CCL18: variants seen among roughly 807,000 people sequenced by gnomAD.
CCL18 encodes the protein C-C motif chemokine 18.
A neutral mutation model predicts 8.0 loss-of-function variants in CCL18; 7 were observed. The observed-to-expected ratio is 0.87, with a 90% CI of 0.50 to 1.64. The LOEUF is 1.64. Among genes scored for constraint, CCL18 ranks in the 40% most tolerant of loss-of-function variants. CCL18 has a pLI of 0.00. For synonymous variants in CCL18, 35 were observed against 41.3 expected, an observed-to-expected ratio of 0.85 and a Z score of 0.59; for missense variants, 95 against 107.8, an observed-to-expected ratio of 0.88 and a Z score of 0.52.
At chr17:36,070,849 C>T (rs1160573035) in intron 2 of CCL18, 102 bp from the exon 3 acceptor site, 13 of 905,006 alleles carry the variant, frequency 1.4e-5, no homozygotes, top group East Asian at 2.4e-5. Context: ...TTTACGGGCA[C>T]GAGGACAGGC....
chr17:36,066,590 G>A (rs1339658155), intron 1 of CCL18, among the ~76,000 whole-genome samples: 1 of 152,242 alleles, frequency 6.6e-6, no homozygotes, highest in African/African-American at 2.4e-5. Context: ...GGATGTACAA[G>A]AGCAACTCAA....
intron 1 of CCL18, among the ~76,000 whole-genome samples, chr17:36,068,043 A>G (rs1296062639): frequency 2.0e-5 from 3 of 152,224 alleles, no homozygotes; most frequent in Non-Finnish European, 4.4e-5. Flanking sequence ...GCTGTACCAT[A>G]CAGTGAAGGT....
chr17:36,070,295 T>C lies in CCL18; in HGVS notation c.68-152T>C, dbSNP rs571518340. 2.5e-5 allele frequency: 13 copies of C among 521,990 alleles called. No homozygotes were observed. In the Admixed American group the frequency reaches 4.5e-4, roughly 18 times the overall value. The allele number at this position is 521,990 out of a possible 1,614,324, so 32.3% of individuals were successfully genotyped here. On this transcript the variant is annotated intron_variant, in intron 1 of 2. Transcript: ENST00000616054. Reference sequence around the variant, plus strand: ...TTAAAATGTCAGGGAAAAGAAGAAATGCCAGCTTCCTTCTGGATCTCTTTG... The same window carrying C: ...TTAAAATGTCAGGGAAAAGAAGAAACGCCAGCTTCCTTCTGGATCTCTTTG...
At chr17:36,070,403 C>T (rs2066859100) in intron 1 of CCL18, 44 bp from the exon 2 acceptor site, 2 of 1,251,112 alleles carry the variant, frequency 1.6e-6, no homozygotes, top group Admixed American at 1.7e-5. Flanking sequence ...GCTGGCTTGC[C>T]TTGTGAACAA....
intron 2 of CCL18, 21 bp downstream of exon 2, chr17:36,070,579 C>A: frequency 1.4e-6 from 2 of 1,445,324 alleles, no homozygotes; most frequent in Non-Finnish European, 1.9e-6. Context: ...GTGCTCCTGC[C>A]CACCCCTCGG....
chr17:36,070,344 G>A (rs1209809916), intron 1 of CCL18, 103 bp from the exon 2 acceptor site: 9 of 676,278 alleles, frequency 1.3e-5, no homozygotes, highest in Non-Finnish European at 2.2e-5. Context: ...ACCCCAAGCG[G>A]TGATATCTCC....
Position 36,070,490 on chromosome 17 carries a change from G to T in CCL18, c.111G>T (p.Trp37Cys). 1 of 1,613,916 alleles carries T rather than the reference G, an allele frequency of 6.2e-7. No homozygotes were observed. Among genetic ancestry groups the T allele is most frequent in the Non-Finnish European group, 8.5e-7 (1 of 1,179,810 alleles). ...KELCCLVYTS[W>C]QIPQKFIVDY... ...TCTGCTGCCTCGTCTATACCTCCTGGCAGATTCCACAAAAGTTCATAGTTG... is the reference window on the plus strand; with the variant it reads ...TCTGCTGCCTCGTCTATACCTCCTGTCAGATTCCACAAAAGTTCATAGTTG... The change falls in exon 2 of 3, where the codon TGG (tryptophan) becomes TGT (cysteine). Residue 37 changes from tryptophan (W) to cysteine (C), a missense_variant. By Grantham distance (215) the Trp-to-Cys change is radical. Coordinates refer to ENST00000616054, the MANE Select transcript of CCL18 (RefSeq NM_002988.4).
Position 36,070,537 on chromosome 17 carries a change from A to G in CCL18, c.158A>G (p.Gln53Arg). The G allele has an allele frequency of 1.2e-6, 2 of 1,612,376 alleles. No individual in the cohort carries two copies. The highest frequency in any genetic ancestry group is 1.7e-6 in the Non-Finnish European group (2 of 1,178,362). The part of the protein sequence containing the change: ...FIVDYSETSP[Q>R]CPKPGVILLT... Reference sequence around the variant, plus strand: ...GTTGACTATTCTGAAACCAGCCCCCAGTGCCCCAAGCCAGGTGTCATGTAA... The same window carrying G: ...GTTGACTATTCTGAAACCAGCCCCCGGTGCCCCAAGCCAGGTGTCATGTAA... Residue 53 changes from glutamine (Q) to arginine (R), a missense_variant, in exon 2 of 3, where the codon CAG becomes CGG. By Grantham distance (43) the Gln-to-Arg change is conservative (BLOSUM62 1). Transcript: ENST00000616054.
At chr17:36,064,539 T>A (rs2066827371) in intron 1 of CCL18, 130 bp downstream of exon 1, 1 of 699,680 alleles carries the variant, frequency 1.4e-6, no homozygotes, top group Non-Finnish European at 2.5e-6. Flanking sequence ...GTGACATCAT[T>A]GTTTTCTTCA....
intron 1 of CCL18, among the ~76,000 whole-genome samples, chr17:36,067,135 C>T (rs1349512153): frequency 6.6e-6 from 1 of 152,108 alleles, no homozygotes; most frequent in Admixed American, 6.6e-5. Flanking sequence ...ATGGGAATGA[C>T]AAGAATGATG....
In CCL18 at chr17:36,070,530, AG is replaced by A; in HGVS notation, c.152del (p.Ser51ThrfsTer12). 3 of 1,613,294 alleles carry A rather than the reference AG, an allele frequency of 1.9e-6. No homozygotes were observed. The highest frequency in any genetic ancestry group is 8.5e-7 in the Non-Finnish European group (1 of 1,179,184). On this transcript the variant is annotated frameshift_variant, in exon 2 of 3. Transcript: ENST00000616054. LOFTEE classifies it low-confidence loss of function (END_TRUNC). ...GTTCATAGTTGACTATTCTGAAACC[AG>A]CCCCCAGTGCCCCAAGCCAGGTGTC... ...QKFIVDYSET[S>X]PQCPKPGVIL...
intron 1 of CCL18, among the ~76,000 whole-genome samples, chr17:36,069,664 A>G (rs894175792): frequency 6.6e-6 from 1 of 152,330 alleles, no homozygotes. Context: ...GCCTGTAAAG[A>G]GAAGAGATGG....
intron 1 of CCL18, among the ~76,000 whole-genome samples, chr17:36,069,562 T>G (rs909856472): frequency 1.3e-5 from 2 of 152,142 alleles, no homozygotes; most frequent in Non-Finnish European, 2.9e-5. Context: ...AGTCTGCACA[T>G]GTACCCCGAA....
chr17:36,071,216 G>T lies in CCL18; in HGVS notation c.*175G>T, dbSNP rs921694559. Reference sequence around the variant, plus strand: ...TAGTTTATGCATCATATTTCATTTTGAAATTGATTTCTATTGTTGAGCTGC... The same window carrying T: ...TAGTTTATGCATCATATTTCATTTTTAAATTGATTTCTATTGTTGAGCTGC... On this transcript the variant is annotated 3_prime_UTR_variant, in exon 3 of 3. Coordinates refer to ENST00000616054, the MANE Select transcript of CCL18 (RefSeq NM_002988.4). The T allele has an allele frequency of 1.2e-4, 70 of 564,894 alleles. No homozygotes were observed. Among genetic ancestry groups the T allele is most frequent in the Admixed American group, 5.6e-4 (17 of 30,314 alleles). The allele number at this position is 564,894 out of a possible 1,614,324, so 35.0% of individuals were successfully genotyped here. A position where few individuals can be genotyped will look rare whatever the true frequency, so the allele number is the denominator to read the frequency against.
At chr17:36,070,422 G>A (rs1176539589) in intron 1 of CCL18, 25 bp from the exon 2 acceptor site, 1 of 1,413,754 alleles carries the variant, frequency 7.1e-7, no homozygotes, top group Non-Finnish European at 1.0e-6. Context: ...AATGACTTGG[G>A]ATCTTTCTGT....
chr17:36,064,428 T>C lies in CCL18; in HGVS notation c.67+19T>C, dbSNP rs1449908106. 1.2e-6 allele frequency: 2 copies of C among 1,600,824 alleles called. No homozygotes were observed. The highest frequency in any genetic ancestry group is 1.1e-5 in the South Asian group (1 of 90,602). On this transcript the variant is annotated intron_variant, in intron 1 of 2. Transcript: ENST00000616054. The stretch of plus-strand genomic sequence containing the variant: ...GCACAAGGTGAGTCTGTCATCCATG[T>C]GCTTTGATGGCTCCCTGGGCAGAAG...
chr17:36,065,151 G>A (rs1396331855), intron 1 of CCL18, among the ~76,000 whole-genome samples: 1 of 152,138 alleles, frequency 6.6e-6, no homozygotes, highest in Non-Finnish European at 1.5e-5. Context: ...AACCAGTGGT[G>A]AGCGGTCTTA....
rs374733570 is a variant in CCL18, at chr17:36,071,021, G to A, written c.250G>A (p.Asp84Asn). ...GAAGTGGGTCCAGAAATACATCAGC[G>A]ACCTGAAGCTGAATGCCTGAGGGGC... ...NKKWVQKYIS[D>N]LKLNA The change falls in exon 3 of 3, where the codon GAC becomes AAC. Residue 84 changes from aspartate (D) to asparagine (N), a missense_variant. Physicochemically the swap from Asp to Asn is conservative, Grantham distance 23 (BLOSUM62 1). Transcript: ENST00000616054. 1.1e-5 allele frequency: 17 copies of A among 1,612,734 alleles called. No individual in the cohort carries two copies. Among genetic ancestry groups the A allele is most frequent in the East Asian group, 4.5e-5 (2 of 44,882 alleles).
intron 2 of CCL18, 116 bp downstream of exon 2, chr17:36,070,674 G>A: frequency 1.4e-6 from 1 of 689,658 alleles, no homozygotes; most frequent in Non-Finnish European, 2.5e-6. Context: ...TCCAGGGGAG[G>A]CCCCTGCAGT....
Sources: allele counts gnomAD v4.1 joint callset (sites outside exome capture counted in the v4.1 genomes callset), GRCh38; gene constraint gnomAD v4.1.1; transcripts MANE v1.5; gene names NCBI Gene and HGNC (gene_info 2026-07-23, HGNC 2026-07-21).